The following NAXD variants were observed in gnomAD, a reference collection of about 807,000 sequenced individuals.
The protein encoded by NAXD is ATP-dependent (S)-NAD(P)H-hydrate dehydratase.
In NAXD, 22 loss-of-function variants were observed where a neutral mutation model predicts 35.8. The observed-to-expected ratio is 0.62, with a 90% confidence interval of 0.44 to 0.88. The LOEUF (loss-of-function observed/expected upper bound fraction) is 0.88, where lower values mean the gene tolerates loss of function less well. Ranked by LOEUF, NAXD falls within the 40% of genes least tolerant of loss-of-function variation. The probability of loss-of-function intolerance (pLI) is 0.00; values close to 1 mark genes in which losing one functional copy is unlikely to be tolerated. For missense variants in NAXD, 428 were observed against 437.7 expected (o/e 0.98, Z 0.20); for synonymous variants, 189 against 177.6 (o/e 1.06, Z -0.51).
At position 110,638,919 on chromosome 13, in the gene NAXD, T is replaced by G. The variant is rs74127059; in HGVS notation, c.*391T>G. Reference sequence around the variant, plus strand: ...CTGCCGGCGCCCTTCGTTCCTCCTCTGCTTCCCTTCCCTAGTCTTTCCTCC... The same window carrying G: ...CTGCCGGCGCCCTTCGTTCCTCCTCGGCTTCCCTTCCCTAGTCTTTCCTCC... On this transcript the variant is annotated 3_prime_UTR_variant, in exon 10 of 10. Coordinates refer to ENST00000680254, the MANE Select transcript of NAXD (RefSeq NM_001242882.2). The surrounding 1 kb of genome is among the most constrained non-coding windows in gnomAD (Gnocchi z 5.4). 0.026 allele frequency: 9,510 copies of G among 367,410 alleles called. 285 individuals are homozygous for G. Among genetic ancestry groups the G allele is most frequent in the African/African-American group, 0.083 (3,905 of 47,180 alleles). The allele number at this position is 367,410 out of a possible 1,614,324, so 22.8% of individuals were successfully genotyped here.
intron 8 of NAXD, 40 bp from the exon 9 acceptor site, chr13:110,637,087 CAT>C (rs1405362253): frequency 6.3e-7 from 1 of 1,576,512 alleles, no homozygotes; most frequent in South Asian, 1.2e-5. Flanking sequence ...CATTCACACA[CAT>C]GGCCATGCTG....
At position 110,628,981 on chromosome 13, in the gene NAXD, G is replaced by A. The variant is rs1037824101; in HGVS notation, c.441+1434G>A. On this transcript the variant is annotated intron_variant, in intron 5 of 9. Transcript: ENST00000680254. The surrounding 1 kb of genome is among the most constrained non-coding windows in gnomAD (Gnocchi z 4.1). ...AAGGTGGGAAGTGAGGGTGTGCGTC[G>A]CTGCCCCTGCAGCCCAGACTCTGGA... Among the ~76,000 whole-genome samples, 3 of 151,162 alleles carry A rather than the reference G, an allele frequency of 2.0e-5. No homozygotes were observed. Among genetic ancestry groups the A allele is most frequent in the Non-Finnish European group, 4.4e-5 (3 of 68,026 alleles).
At chr13:110,618,498 G>A (rs947126740) in intron 1 of NAXD, among the ~76,000 whole-genome samples, 6 of 152,168 alleles carry the variant, frequency 3.9e-5, no homozygotes, top group African/African-American at 1.4e-4. Context: ...GATTCCCCCC[G>A]TGTTTTCTTC....
chr13:110,635,498 C>A lies in NAXD; in HGVS notation c.628C>A (p.His210Asn), dbSNP rs758999979. The A allele has an allele frequency of 8.7e-6, 14 of 1,614,122 alleles. No individual in the cohort carries two copies. The highest frequency in any genetic ancestry group is 1.7e-5 in the Admixed American group (1 of 60,032). ...LRGPMDSDDS[H>N]GSVLRLSQAL... Reference sequence around the variant, plus strand: ...AGGCCCTATGGACAGCGATGACAGCCATGGATCTGTGCTAAGACTCAGCCA... The same window carrying A: ...AGGCCCTATGGACAGCGATGACAGCAATGGATCTGTGCTAAGACTCAGCCA... The change falls in exon 8 of 10, where the codon CAT (histidine) becomes AAT (asparagine). Residue 210 changes from histidine (H) to asparagine (N), a missense_variant. His to Asn is a moderately conservative substitution (Grantham distance 68). This residue lies in a region of NAXD where 209 missense variants were observed against 214.6 expected (regional missense o/e 0.97). Transcript: ENST00000680254.
intron 8 of NAXD, among the ~76,000 whole-genome samples, chr13:110,636,390 AC>A (rs1445869430): frequency 6.6e-6 from 1 of 152,204 alleles, no homozygotes; most frequent in Non-Finnish European, 1.5e-5. Context: ...ATACACATGC[AC>A]AGTTGTGCTC....
intron 1 of NAXD, among the ~76,000 whole-genome samples, chr13:110,621,804 C>T (rs999680265): frequency 6.6e-5 from 10 of 152,112 alleles, no homozygotes; most frequent in Non-Finnish European, 1.3e-4. Flanking sequence ...CTGCAGCTGG[C>T]AGATCACTTG....
Position 110,638,617 on chromosome 13 carries a change from G to A in NAXD, c.*89G>A. 2.1e-6 allele frequency: 3 copies of A among 1,443,250 alleles called. No individual in the cohort carries two copies. The highest frequency in any genetic ancestry group is 2.9e-6 in the Non-Finnish European group (3 of 1,035,060). The allele number at this position is 1,443,250 out of a possible 1,614,324, so 89.4% of individuals were successfully genotyped here. On this transcript the variant is annotated 3_prime_UTR_variant, in exon 10 of 10. Transcript: ENST00000680254. The surrounding 1 kb of genome is among the most constrained non-coding windows in gnomAD (Gnocchi z 5.4). ...ATCCGGACCCACGCGTGTGCTGAAG[G>A]CGTACGGTGCTTGCCAGATTTTCAA...
chr13:110,620,514 A>G (rs1358315801), intron 1 of NAXD, among the ~76,000 whole-genome samples: 6 of 147,984 alleles, frequency 4.1e-5, no homozygotes, highest in Non-Finnish European at 8.9e-5. Flanking sequence ...AGGGGGTCGT[A>G]GGTTGCAGTG....
intron 5 of NAXD, among the ~76,000 whole-genome samples, chr13:110,629,257 C>T (rs890193461): frequency 1.3e-5 from 2 of 151,596 alleles, no homozygotes; most frequent in South Asian, 2.1e-4. Flanking sequence ...TCAAGACGCC[C>T]GTGGGATCTG....
rs766274714 is a variant in NAXD, at chr13:110,627,467, G to C, written c.361G>C (p.Glu121Gln). 60 of 1,614,132 alleles carry C rather than the reference G, an allele frequency of 3.7e-5. No individual in the cohort carries two copies. The highest frequency in any genetic ancestry group is 4.7e-5 in the Non-Finnish European group (55 of 1,179,992). ...LDSPNAVHEV[E>Q]KWLPRLHALV... ...CAGCCCCAATGCTGTTCATGAGGTGGAGAAGTGGCTGCCCCGGCTGCATGC... is the reference window on the plus strand; with the variant it reads ...CAGCCCCAATGCTGTTCATGAGGTGCAGAAGTGGCTGCCCCGGCTGCATGC... Residue 121 changes from glutamate to glutamine, a missense_variant, in exon 5 of 10, where the codon GAG (glutamate) becomes CAG (glutamine). This residue lies in a region of NAXD where 208 missense variants were observed against 193.0 expected (regional missense o/e 1.08). Transcript: ENST00000680254.
At chr13:110,626,357 C>G (rs1240158090) in intron 4 of NAXD, among the ~76,000 whole-genome samples, 6 of 151,946 alleles carry the variant, frequency 3.9e-5, no homozygotes, top group Admixed American at 3.9e-4. Flanking sequence ...TTGGTCTGAG[C>G]GAGTGGTCAC....
chr13:110,637,172 G>A lies in NAXD; in HGVS notation c.762G>A (p.Gly254=). 3.1e-6 allele frequency: 5 copies of A among 1,613,898 alleles called. No individual in the cohort carries two copies. The South Asian group carries it at 3.3e-5, about 11-fold the overall frequency. Residue 254 remains glycine (G), a synonymous_variant, in exon 9 of 10, where the codon GGG becomes GGA. Transcript: ENST00000680254. ...SQEGSSRRCG[G]QGDLLSGSLG... The stretch of plus-strand genomic sequence containing the variant: ...AAGGCAGCAGCCGCAGGTGTGGAGG[G>A]CAAGGGGACCTCCTGTCGGGCTCCC...
At chr13:110,626,974 T>C (rs1044751482) in intron 4 of NAXD, among the ~76,000 whole-genome samples, 2 of 152,240 alleles carry the variant, frequency 1.3e-5, no homozygotes, top group East Asian at 1.9e-4. Flanking sequence ...ACGGGCTAAC[T>C]TTAGAGGGCA....
chr13:110,637,603 A>G (rs1325602164), intron 9 of NAXD, among the ~76,000 whole-genome samples: 1 of 152,256 alleles, frequency 6.6e-6, no homozygotes, highest in Non-Finnish European at 1.5e-5. Flanking sequence ...GTCAAGGCTT[A>G]CTTAGACACT....
In NAXD at chr13:110,634,234, G is replaced by A. The variant is rs375818652; in HGVS notation, c.442-311G>A. Among the ~76,000 whole-genome samples the A allele has an allele frequency of 2.7e-4, 41 of 152,264 alleles. 1 individual carries two copies. The South Asian group carries it at 7.9e-3, about 29-fold the overall frequency. ...GGAAAAGTGTCTTAGTCGGTTTTGC[G>A]CTGCTGTAGCCGTACCACAGACTGG... On this transcript the variant is annotated intron_variant, in intron 5 of 9. Transcript: ENST00000680254.
At chr13:110,625,808 A>G (rs1196317247) in intron 4 of NAXD, among the ~76,000 whole-genome samples, 1 of 152,224 alleles carries the variant, frequency 6.6e-6, no homozygotes, top group Non-Finnish European at 1.5e-5. Context: ...GTGCGGGAGC[A>G]GAGCGTTTGC....
In NAXD at chr13:110,639,682, T is replaced by C. The variant is rs1887104650; in HGVS notation, c.*1154T>C. ...TGACGCGTGCATTAGGGTGTTCTCTTATACTTTCAGTAGCATCTTTCCACA... is the reference window on the plus strand; with the variant it reads ...TGACGCGTGCATTAGGGTGTTCTCTCATACTTTCAGTAGCATCTTTCCACA... On this transcript the variant is annotated 3_prime_UTR_variant, in exon 10 of 10. Coordinates refer to ENST00000680254, the MANE Select transcript of NAXD (RefSeq NM_001242882.2). 6.6e-6 allele frequency: 1 copy of C among 152,168 alleles called. No individual in the cohort carries two copies. Among genetic ancestry groups the C allele is most frequent in the Non-Finnish European group, 1.5e-5 (1 of 68,034 alleles). 9.4% of individuals were successfully genotyped at this position (152,168 alleles called of 1,614,324 possible).
At chr13:110,635,187 C>T (rs1371434440) in intron 7 of NAXD, among the ~76,000 whole-genome samples, 2 of 152,188 alleles carry the variant, frequency 1.3e-5, no homozygotes, top group South Asian at 2.1e-4. Flanking sequence ...TTGTATTACT[C>T]CTGCAAAGCT....
intron 9 of NAXD, chr13:110,637,762 G>A (rs1175335863): frequency 2.2e-6 from 1 of 462,280 alleles, no homozygotes. Flanking sequence ...GCCCATCAAG[G>A]TGGTGGCTGC....
Sources: gnomAD v4.1 joint callset for allele counts (sites outside exome capture counted in the v4.1 genomes callset) on GRCh38, gnomAD v4.1.1 for gene constraint, gnomAD v4.1.1 regional missense constraint, Gnocchi (gnomAD v3.1) non-coding constraint, MANE v1.5 for transcripts, NCBI Gene and HGNC (gene_info 2026-07-23, HGNC 2026-07-21) for gene names.